Variants in HEATR4 observed in about 807,000 individuals in gnomAD.
HEATR4 encodes HEAT repeat containing 4, also known as HEAT repeat-containing protein 4.
A neutral mutation model predicts 108.8 loss-of-function variants in HEATR4; 95 were observed. The ratio of observed to expected loss-of-function variants is 0.87; its 90% confidence interval spans 0.74 to 1.04. The LOEUF (loss-of-function observed/expected upper bound fraction) is 1.04, where lower values mean the gene tolerates loss of function less well. HEATR4 is among the 50% of genes least tolerant of loss of function. HEATR4 has a pLI of 0.00. For synonymous variants in HEATR4, 443 were observed against 459.4 expected, an observed-to-expected ratio of 0.96 and a Z score of 0.46; for missense variants, 1,152 against 1,253.8, an observed-to-expected ratio of 0.92 and a Z score of 1.23.
rs1388660446 is a variant in HEATR4 at position 73,498,199 on chromosome 14, G to A, written c.2502C>T (p.Thr834=). 3.1e-6 allele frequency: 5 copies of A among 1,613,934 alleles called. No homozygotes were observed. Among genetic ancestry groups the A allele is most frequent in the Non-Finnish European group, 4.2e-6 (5 of 1,179,932 alleles). ...LKLQGDRVRD[T]FLDVLLLENH... ...TCTCCAGGAGCAGCACGTCTAGGAAGGTGTCCCTGACCCGGTCCCCTTGAA... is the reference window on the plus strand; with the variant it reads ...TCTCCAGGAGCAGCACGTCTAGGAAAGTGTCCCTGACCCGGTCCCCTTGAA... Residue 834 remains threonine, a synonymous_variant, in exon 14 of 18, where the codon ACC becomes ACT. Transcript: ENST00000553558.
At chr14:73,596,916 T>C in the HEATR4 span, among the ~76,000 whole-genome samples, 1 of 151,872 alleles carries the variant, frequency 6.6e-6, no homozygotes, top group Non-Finnish European at 1.5e-5. Context: ...CATTTATTAA[T>C]ATAAGCGTAT....
chr14:73,567,079 T>C, the HEATR4 span, among the ~76,000 whole-genome samples: 1 of 152,066 alleles, frequency 6.6e-6, no homozygotes, highest in Non-Finnish European at 1.5e-5. Context: ...AGTTCTGGGA[T>C]TACAGGTGTG....
At chr14:73,580,871 A>G in the HEATR4 span, 1 of 152,140 alleles carries the variant, frequency 6.6e-6, no homozygotes, top group African/African-American at 2.4e-5. Context: ...TCATATGCAG[A>G]TGGTCTCAGA....
At chr14:73,622,648 C>T in the HEATR4 span, among the ~76,000 whole-genome samples, 1 of 152,034 alleles carries the variant, frequency 6.6e-6, no homozygotes, top group South Asian at 2.1e-4. Context: ...GATCGCCTGC[C>T]TTGGTCTCCC....
chr14:73,570,810 C>A, the HEATR4 span, among the ~76,000 whole-genome samples: 4 of 150,020 alleles, frequency 2.7e-5, no homozygotes, highest in South Asian at 6.3e-4. Flanking sequence ...GAGGTTGAGG[C>A]AGGAGAATCG....
chr14:73,614,746 CAAAAAAA>C, the HEATR4 span, among the ~76,000 whole-genome samples: 1 of 113,036 alleles, frequency 8.8e-6, no homozygotes, highest in Non-Finnish European at 1.8e-5. Context: ...GACCCTGTCT[CAAAAAAA>C]AAAAAAAAAA....
At chr14:73,517,948 T>C (rs1380968125) in intron 5 of HEATR4, among the ~76,000 whole-genome samples, 1 of 152,078 alleles carries the variant, frequency 6.6e-6, no homozygotes, top group African/African-American at 2.4e-5. Flanking sequence ...TAGCTGGGTG[T>C]GGTGGCGCGC....
At chr14:73,584,842 T>C in the HEATR4 span, among the ~76,000 whole-genome samples, 1 of 150,092 alleles carries the variant, frequency 6.7e-6, no homozygotes, top group East Asian at 1.9e-4. Context: ...AACCTCCCCA[T>C]GTCCCAACCA....
Position 73,520,925 on chromosome 14 carries a change from A to T in HEATR4, c.996T>A (p.Phe332Leu), listed in dbSNP as rs754113252. Residue 332 changes from phenylalanine (F) to leucine (L), a missense_variant, in exon 4 of 18, where the codon TTT becomes TTA. Transcript: ENST00000553558. Reference sequence around the variant, plus strand: ...TTCCAGCTCGGGGAGTCACCTGGCGAAAGTAGCTCTGGGTTTGGGGCTGGG... The same window carrying T: ...TTCCAGCTCGGGGAGTCACCTGGCGTAAGTAGCTCTGGGTTTGGGGCTGGG... ...SLSQPQTQSY[F>L]RQVTPRAGKF... 4 of 1,614,022 alleles carry T rather than the reference A, an allele frequency of 2.5e-6. No homozygotes were observed. Among genetic ancestry groups the T allele is most frequent in the Non-Finnish European group, 3.4e-6 (4 of 1,180,024 alleles).
chr14:73,585,023 T>G, the HEATR4 span, among the ~76,000 whole-genome samples: 2 of 150,792 alleles, frequency 1.3e-5, no homozygotes, highest in Admixed American at 6.6e-5. Context: ...ACCTCATGCC[T>G]GTCTTATGCC....
At chr14:73,559,132 T>C (rs1457480056), upstream of HEATR4, among the ~76,000 whole-genome samples, 2 of 151,766 alleles carry the variant, frequency 1.3e-5, no homozygotes, top group Non-Finnish European at 2.9e-5. Context: ...TTTCATGGAG[T>C]TTTTGGTCTT....
At chr14:73,566,478 C>T in the HEATR4 span, among the ~76,000 whole-genome samples, 22 of 152,168 alleles carry the variant, frequency 1.4e-4, no homozygotes, top group African/African-American at 4.8e-4. Context: ...AGCCCTTTCC[C>T]GTGGGAAGGC....
chr14:73,525,688 C>A (rs1169072265), intron 2 of HEATR4, among the ~76,000 whole-genome samples: 2 of 152,146 alleles, frequency 1.3e-5, no homozygotes, highest in Admixed American at 1.3e-4. Context: ...TGCGGTGGCT[C>A]ACGTCAGTAA....
At chr14:73,572,248 TAGAAC>T in the HEATR4 span, among the ~76,000 whole-genome samples, 1 of 139,286 alleles carries the variant, frequency 7.2e-6, no homozygotes, top group Non-Finnish European at 1.5e-5. Context: ...CCATCAACAA[TAGAAC>T]AGATTAATAA....
chr14:73,570,025 C>G, the HEATR4 span: 16 of 1,319,576 alleles, frequency 1.2e-5, 1 homozygote, highest in Non-Finnish European at 1.6e-5. Flanking sequence ...AATTCCTGGT[C>G]TCCAGCTATC....
chr14:73,536,716 G>C lies in HEATR4; in HGVS notation c.-151-6472C>G, dbSNP rs1173691218. Among the ~76,000 whole-genome samples the C allele has an allele frequency of 1.8e-5, 2 of 113,114 alleles. 1 individual carries two copies. The highest frequency in any genetic ancestry group is 1.4e-3 in the East Asian group (2 of 1,400). The allele number at this position is 113,114 out of a possible 152,430, so 74.2% of individuals were successfully genotyped here. The stretch of plus-strand genomic sequence containing the variant: ...GAAATTAATAACTATTACCTCATTT[G>C]GCTATTTTTACACCTGTAAGGAATA... On this transcript the variant is annotated intron_variant, in intron 1 of 17. Coordinates refer to ENST00000553558, the MANE Select transcript of HEATR4 (RefSeq NM_001220484.1).
At chr14:73,588,025 G>T in the HEATR4 span, among the ~76,000 whole-genome samples, 9 of 149,640 alleles carry the variant, frequency 6.0e-5, no homozygotes. Flanking sequence ...TTTTTAGACG[G>T]AGTTTCGTTC....
intron 17 of HEATR4, among the ~76,000 whole-genome samples, chr14:73,479,741 A>T (rs1431182581): frequency 6.6e-6 from 1 of 150,834 alleles, no homozygotes; most frequent in East Asian, 2.0e-4. Flanking sequence ...CGCCCAGCTA[A>T]TTTTTTTGTA....
intron 6 of HEATR4, among the ~76,000 whole-genome samples, chr14:73,513,169 A>G (rs1566834599): frequency 6.6e-6 from 1 of 152,220 alleles, no homozygotes; most frequent in Non-Finnish European, 1.5e-5. Context: ...AAACAATAAG[A>G]TAGGGTCGCC....
Sources: gnomAD v4.1 joint callset for allele counts (sites outside exome capture counted in the v4.1 genomes callset) on GRCh38, gnomAD v4.1.1 for gene constraint, MANE v1.5 for transcripts, NCBI Gene and HGNC (gene_info 2026-07-23, HGNC 2026-07-21) for gene names.